Variants in KRTAP9-3 observed in about 807,000 individuals in gnomAD.
KRTAP9-3 encodes the protein keratin associated protein 9-3, also known as keratin-associated protein 9-3.
In KRTAP9-3, 12 loss-of-function variants were observed where a neutral mutation model predicts 13.0. That is an observed-to-expected ratio of 0.93 (90% CI 0.59 to 1.50). KRTAP9-3 has a LOEUF of 1.50. Among genes scored for constraint, KRTAP9-3 ranks in the 40% most tolerant of loss-of-function variants. The pLI, the probability that KRTAP9-3 is intolerant of heterozygous loss-of-function variation, is 0.00. For missense variants in KRTAP9-3, 232 were observed against 195.2 expected (o/e 1.19, Z -1.12); for synonymous variants, 89 against 68.7 (o/e 1.29, Z -1.46).
Position 41,232,785 on chromosome 17 carries a change from C to A in KRTAP9-3, c.284C>A (p.Ser95Tyr), listed in dbSNP as rs777026712. Residue 95 changes from serine (S) to tyrosine (Y), a missense_variant, in exon 1 of 1, where the codon TCC (serine) becomes TAC (tyrosine). Coordinates refer to ENST00000411528, the MANE Select transcript of KRTAP9-3 (RefSeq NM_031962.3). ...GGGTCCAGCTGTGGTCAGAGCAGCT[C>A]CTGTGCACCTGTGTACTGCAGAAGA... The part of the protein sequence containing the change: ...CCGSSCGQSS[S>Y]CAPVYCRRTC... The A allele has an allele frequency of 6.2e-7, 1 of 1,608,216 alleles. No homozygotes were observed. Among genetic ancestry groups the A allele is most frequent in the Non-Finnish European group, 8.5e-7 (1 of 1,179,964 alleles).
rs1265277418 is a variant in KRTAP9-3, at chr17:41,232,906, T to C, written c.405T>C (p.Cys135=). 1.2e-6 allele frequency: 2 copies of C among 1,608,400 alleles called. No homozygotes were observed. Among genetic ancestry groups the C allele is most frequent in the Non-Finnish European group, 1.7e-6 (2 of 1,179,940 alleles). The part of the protein sequence containing the change: ...CCQPCCRPAC[C]ETTCCRTTCF... ...AGCCCTGCTGCCGCCCAGCCTGCTG[T>C]GAGACCACCTGCTGCAGGACCACTT... The change falls in exon 1 of 1, where the codon TGT becomes TGC. Residue 135 remains cysteine (C), a synonymous_variant. Transcript: ENST00000411528.
In KRTAP9-3 at chr17:41,232,772, G is replaced by A. The variant is rs774460136; in HGVS notation, c.271G>A (p.Gly91Ser). Residue 91 changes from glycine to serine, a missense_variant, in exon 1 of 1, where the codon GGT becomes AGT. Gly to Ser is a moderately conservative substitution (Grantham distance 56). Coordinates refer to ENST00000411528, the MANE Select transcript of KRTAP9-3 (RefSeq NM_031962.3). ...GCCCACATGCTGTGGGTCCAGCTGTGGTCAGAGCAGCTCCTGTGCACCTGT... is the reference window on the plus strand; with the variant it reads ...GCCCACATGCTGTGGGTCCAGCTGTAGTCAGAGCAGCTCCTGTGCACCTGT... ...CQPTCCGSSC[G>S]QSSSCAPVYC... 6.8e-6 allele frequency: 11 copies of A among 1,607,352 alleles called. No individual in the cohort carries two copies. The South Asian group carries it at 1.2e-4, about 18-fold the overall frequency.
chr17:41,233,130 T>A lies in KRTAP9-3; in HGVS notation c.*149T>A. 7.4e-7 allele frequency: 1 copy of A among 1,360,082 alleles called. No individual in the cohort carries two copies. The highest frequency in any genetic ancestry group is 1.4e-5 in the South Asian group (1 of 72,592). The allele number at this position is 1,360,082 out of a possible 1,614,324, so 84.3% of individuals were successfully genotyped here. A position where few individuals can be genotyped will look rare whatever the true frequency, so the allele number is the denominator to read the frequency against. On this transcript the variant is annotated 3_prime_UTR_variant, in exon 1 of 1. Coordinates refer to ENST00000411528, the MANE Select transcript of KRTAP9-3 (RefSeq NM_031962.3). ...CTCTACATGTTTAAAATCTTGGGAATCTGCTTGAGGGAGGGCAGAATACTT... is the reference window on the plus strand; with the variant it reads ...CTCTACATGTTTAAAATCTTGGGAAACTGCTTGAGGGAGGGCAGAATACTT...
In KRTAP9-3 at chr17:41,232,677, C is replaced by A. The variant is rs1430426648; in HGVS notation, c.176C>A (p.Thr59Asn). 1.2e-6 allele frequency: 2 copies of A among 1,608,510 alleles called. No homozygotes were observed. The highest frequency in any genetic ancestry group is 1.7e-6 in the Non-Finnish European group (2 of 1,179,950). ...PTCCQNTCCR[T>N]TCCQPICVTS... ...TGCTGTCAAAACACCTGCTGTAGGACCACCTGCTGCCAGCCCATCTGTGTG... is the reference window on the plus strand; with the variant it reads ...TGCTGTCAAAACACCTGCTGTAGGAACACCTGCTGCCAGCCCATCTGTGTG... Residue 59 changes from threonine (T) to asparagine (N), a missense_variant, in exon 1 of 1, where the codon ACC (threonine) becomes AAC (asparagine). By Grantham distance (65) the Thr-to-Asn change is moderately conservative. Transcript: ENST00000411528.
rs1235235448 is a variant in KRTAP9-3, at chr17:41,232,628, T to C, written c.127T>C (p.Cys43Arg). ...GCCCTCCTGCTGTGTTTCCAGCTGC[T>C]GCCAGCCTTGCTGCCACCCAACTTG... The part of the protein sequence containing the change: ...CQPSCCVSSC[C>R]QPCCHPTCCQ... Residue 43 changes from cysteine to arginine, a missense_variant, in exon 1 of 1, where the codon TGC becomes CGC. Physicochemically the swap from Cys to Arg is radical, Grantham distance 180 (BLOSUM62 -3). Transcript: ENST00000411528. 2 of 1,603,572 alleles carry C rather than the reference T, an allele frequency of 1.2e-6. No homozygotes were observed. The highest frequency in any genetic ancestry group is 1.1e-5 in the South Asian group (1 of 90,976).
rs1282890926 is a variant in KRTAP9-3, at chr17:41,233,420, T to G, written c.*439T>G. 3 of 265,560 alleles carry G rather than the reference T, an allele frequency of 1.1e-5. 1 individual carries two copies. Among genetic ancestry groups the G allele is most frequent in the African/African-American group, 7.4e-5 (3 of 40,712 alleles). 16.5% of individuals were successfully genotyped at this position (265,560 alleles called of 1,614,324 possible). A position where few individuals can be genotyped will look rare whatever the true frequency, so the allele number is the denominator to read the frequency against. ...CTGGTAGCAGAGATTCTTACCTATA[T>G]GTTTCTGAATAAACTCTGAACCATC... is the stretch of plus-strand genomic sequence containing the variant. On this transcript the variant is annotated 3_prime_UTR_variant, in exon 1 of 1. Transcript: ENST00000411528.
chr17:41,233,146 C>A lies in KRTAP9-3; in HGVS notation c.*165C>A, dbSNP rs892627992. 4 of 1,138,106 alleles carry A rather than the reference C, an allele frequency of 3.5e-6. No individual in the cohort carries two copies. The African/African-American group carries it at 5.2e-5, about 15-fold the overall frequency. The allele number at this position is 1,138,106 out of a possible 1,614,324, so 70.5% of individuals were successfully genotyped here. On this transcript the variant is annotated 3_prime_UTR_variant, in exon 1 of 1. Transcript: ENST00000411528. ...TCTTGGGAATCTGCTTGAGGGAGGG[C>A]AGAATACTTCATCCTCATTCCCTCT...
Position 41,232,806 on chromosome 17 carries a change from G to C in KRTAP9-3, c.305G>C (p.Arg102Thr), listed in dbSNP as rs2015879790. ...QSSSCAPVYCRRTCYHPTSVC... is the reference protein window; with the variant it reads ...QSSSCAPVYCTRTCYHPTSVC... Reference sequence around the variant, plus strand: ...AGCTCCTGTGCACCTGTGTACTGCAGAAGAACCTGCTACCACCCCACAAGT... The same window carrying C: ...AGCTCCTGTGCACCTGTGTACTGCACAAGAACCTGCTACCACCCCACAAGT... The change falls in exon 1 of 1, where the codon AGA becomes ACA. Residue 102 changes from arginine (R) to threonine (T), a missense_variant. Transcript: ENST00000411528. 1.2e-6 allele frequency: 2 copies of C among 1,608,020 alleles called. No individual in the cohort carries two copies. Among genetic ancestry groups the C allele is most frequent in the Admixed American group, 1.7e-5 (1 of 59,896 alleles).
rs947986743 is a variant in KRTAP9-3 at position 41,233,044 on chromosome 17, G to T, written c.*63G>T. 2.5e-6 allele frequency: 4 copies of T among 1,589,938 alleles called. No homozygotes were observed. The highest frequency in any genetic ancestry group is 3.4e-6 in the Non-Finnish European group (4 of 1,169,056). ...CTTCAGCTCAACTGACTTGTCTTTT[G>T]AGGGACTAATTTACTTTGCTGCTGA... On this transcript the variant is annotated 3_prime_UTR_variant, in exon 1 of 1. Coordinates refer to ENST00000411528, the MANE Select transcript of KRTAP9-3 (RefSeq NM_031962.3).
chr17:41,232,986 C>A lies in KRTAP9-3; in HGVS notation c.*5C>A. The A allele has an allele frequency of 6.2e-7, 1 of 1,606,206 alleles. No homozygotes were observed. Among genetic ancestry groups the A allele is most frequent in the Non-Finnish European group, 8.5e-7 (1 of 1,178,114 alleles). On this transcript the variant is annotated 3_prime_UTR_variant, in exon 1 of 1. Coordinates refer to ENST00000411528, the MANE Select transcript of KRTAP9-3 (RefSeq NM_031962.3). ...TGCCAGCCTTCTTGCTGCTAATCAA[C>A]TCCCAAGAGAACTACCATCCTCACA...
rs1368206877 is a variant in KRTAP9-3 at position 41,233,093 on chromosome 17, T to A, written c.*112T>A. The A allele has an allele frequency of 1.3e-6, 2 of 1,503,210 alleles. No homozygotes were observed. The highest frequency in any genetic ancestry group is 1.8e-6 in the Non-Finnish European group (2 of 1,115,322). The allele number at this position is 1,503,210 out of a possible 1,614,324, so 93.1% of individuals were successfully genotyped here. A position where few individuals can be genotyped will look rare whatever the true frequency, so the allele number is the denominator to read the frequency against. ...GACAGCCACCATGCTCTCACCCAAA[T>A]TTTTATGAATTCTCTACATGTTTAA... On this transcript the variant is annotated 3_prime_UTR_variant, in exon 1 of 1. Coordinates refer to ENST00000411528, the MANE Select transcript of KRTAP9-3 (RefSeq NM_031962.3).
Position 41,232,582 on chromosome 17 carries a change from C to T in KRTAP9-3, c.81C>T (p.Cys27=). ...GGCAGCCCACCACTGTGACCACCTGCAGCAGCACACCCTGCTGTCAGCCCT... is the reference window on the plus strand; with the variant it reads ...GGCAGCCCACCACTGTGACCACCTGTAGCAGCACACCCTGCTGTCAGCCCT... The part of the protein sequence containing the change: ...TCWQPTTVTT[C]SSTPCCQPSC... The change falls in exon 1 of 1, where the codon TGC becomes TGT. Residue 27 remains cysteine (C), a synonymous_variant. Coordinates refer to ENST00000411528, the MANE Select transcript of KRTAP9-3 (RefSeq NM_031962.3). The T allele has an allele frequency of 2.5e-6, 4 of 1,603,966 alleles. No homozygotes were observed. Among genetic ancestry groups the T allele is most frequent in the Non-Finnish European group, 3.4e-6 (4 of 1,177,012 alleles).
chr17:41,233,197 C>A lies in KRTAP9-3; in HGVS notation c.*216C>A. ...TTCCTTACACCTTGTGGATCATGTGCCAGCTTCGTCTGTTCTTAATTTGGA... is the reference window on the plus strand; with the variant it reads ...TTCCTTACACCTTGTGGATCATGTGACAGCTTCGTCTGTTCTTAATTTGGA... On this transcript the variant is annotated 3_prime_UTR_variant, in exon 1 of 1. Coordinates refer to ENST00000411528, the MANE Select transcript of KRTAP9-3 (RefSeq NM_031962.3). 1 of 832,346 alleles carries A rather than the reference C, an allele frequency of 1.2e-6. No homozygotes were observed. Among genetic ancestry groups the A allele is most frequent in the Non-Finnish European group, 1.9e-6 (1 of 540,256 alleles). 51.6% of individuals were successfully genotyped at this position (832,346 alleles called of 1,614,324 possible).
rs995259864 is a variant in KRTAP9-3 at position 41,233,275 on chromosome 17, A to C, written c.*294A>C. 9.4e-6 allele frequency: 5 copies of C among 532,698 alleles called. 1 individual carries two copies. The highest frequency in any genetic ancestry group is 8.6e-5 in the African/African-American group (4 of 46,770). The allele number at this position is 532,698 out of a possible 1,614,324, so 33.0% of individuals were successfully genotyped here. ...TCAAGAGCTTCATTCTTTGCTTCTA[A>C]GGAATTTAGGTTTCTGCAACTGATC... On this transcript the variant is annotated 3_prime_UTR_variant, in exon 1 of 1. Coordinates refer to ENST00000411528, the MANE Select transcript of KRTAP9-3 (RefSeq NM_031962.3).
rs1275546703 is a variant in KRTAP9-3 at position 41,232,800 on chromosome 17, A to C, written c.299A>C (p.Tyr100Ser). 6.2e-7 allele frequency: 1 copy of C among 1,608,042 alleles called. No individual in the cohort carries two copies. Among genetic ancestry groups the C allele is most frequent in the Non-Finnish European group, 8.5e-7 (1 of 1,179,934 alleles). ...CAGAGCAGCTCCTGTGCACCTGTGT[A>C]CTGCAGAAGAACCTGCTACCACCCC... Reference protein sequence around the residue: ...CGQSSSCAPVYCRRTCYHPTS... With the variant: ...CGQSSSCAPVSCRRTCYHPTS... Residue 100 changes from tyrosine to serine, a missense_variant, in exon 1 of 1, where the codon TAC (tyrosine) becomes TCC (serine). By Grantham distance (144) the Tyr-to-Ser change is moderately radical (BLOSUM62 -2). Coordinates refer to ENST00000411528, the MANE Select transcript of KRTAP9-3 (RefSeq NM_031962.3).
In KRTAP9-3 at chr17:41,233,025, C is replaced by A; in HGVS notation, c.*44C>A. On this transcript the variant is annotated 3_prime_UTR_variant, in exon 1 of 1. Coordinates refer to ENST00000411528, the MANE Select transcript of KRTAP9-3 (RefSeq NM_031962.3). ...ACCATCCTCACACAACAACCTTCAGCTCAACTGACTTGTCTTTTGAGGGAC... is the reference window on the plus strand; with the variant it reads ...ACCATCCTCACACAACAACCTTCAGATCAACTGACTTGTCTTTTGAGGGAC... 2 of 1,601,226 alleles carry A rather than the reference C, an allele frequency of 1.2e-6. No individual in the cohort carries two copies. The highest frequency in any genetic ancestry group is 1.7e-6 in the Non-Finnish European group (2 of 1,174,994).
In KRTAP9-3 at chr17:41,233,054, T is replaced by C; in HGVS notation, c.*73T>C. 1.9e-6 allele frequency: 3 copies of C among 1,577,910 alleles called. No individual in the cohort carries two copies. The highest frequency in any genetic ancestry group is 2.2e-5 in the East Asian group (1 of 44,592). On this transcript the variant is annotated 3_prime_UTR_variant, in exon 1 of 1. Transcript: ENST00000411528. ...ACTGACTTGTCTTTTGAGGGACTAA[T>C]TTACTTTGCTGCTGACAGCCACCAT...
In KRTAP9-3 at chr17:41,232,830, G is replaced by C. The variant is rs778087613; in HGVS notation, c.329G>C (p.Ser110Thr). ...YCRRTCYHPTSVCLPGCLNQS... is the reference protein window; with the variant it reads ...YCRRTCYHPTTVCLPGCLNQS... ...AGAAGAACCTGCTACCACCCCACAAGTGTTTGTCTGCCTGGTTGCCTAAAC... is the reference window on the plus strand; with the variant it reads ...AGAAGAACCTGCTACCACCCCACAACTGTTTGTCTGCCTGGTTGCCTAAAC... Residue 110 changes from serine (S) to threonine (T), a missense_variant, in exon 1 of 1, where the codon AGT becomes ACT. Coordinates refer to ENST00000411528, the MANE Select transcript of KRTAP9-3 (RefSeq NM_031962.3). 46 of 1,607,680 alleles carry C rather than the reference G, an allele frequency of 2.9e-5. 3 individuals are homozygous for C. In the African/African-American group the frequency reaches 3.2e-4, roughly 11 times the overall value.
the KRTAP9-3 span, chr17:41,232,684 C>A: frequency 6.2e-7 from 1 of 1,608,416 alleles, no homozygotes; most frequent in Non-Finnish European, 8.5e-7. Flanking sequence ...GGACCACCTG[C>A]TGCCAGCCCA....
Sources: allele counts gnomAD v4.1 joint callset, GRCh38; gene constraint gnomAD v4.1.1; transcripts MANE v1.5; gene names NCBI Gene and HGNC (gene_info 2026-07-23, HGNC 2026-07-21).